SLC27A6: variants seen among roughly 807,000 people sequenced by gnomAD.
SLC27A6 encodes long-chain fatty acid transport protein 6.
A neutral mutation model predicts 63.9 loss-of-function variants in SLC27A6; 74 were observed. The ratio of observed to expected loss-of-function variants is 1.16; its 90% confidence interval spans 0.96 to 1.40. The LOEUF is 1.40. Ranked by LOEUF, SLC27A6 falls within the 40% of genes most tolerant of loss-of-function variation. SLC27A6 has a pLI of 0.00. For synonymous variants in SLC27A6, 287 were observed against 260.8 expected, an observed-to-expected ratio of 1.10 and a Z score of -0.97; for missense variants, 794 against 732.9, an observed-to-expected ratio of 1.08 and a Z score of -0.96.
At chr5:128,979,733 G>T (rs142817271) in intron 1 of SLC27A6, among the ~76,000 whole-genome samples, 2 of 152,028 alleles carry the variant, frequency 1.3e-5, no homozygotes, top group Non-Finnish European at 1.5e-5. Flanking sequence ...TATAAATTGT[G>T]TTATTATATT....
intron 4 of SLC27A6, among the ~76,000 whole-genome samples, chr5:129,006,109 C>T (rs1359097066): frequency 7.7e-5 from 4 of 52,036 alleles, no homozygotes; most frequent in Middle Eastern, 0.023. Flanking sequence ...GACGGAGTCT[C>T]GCTGTGTTGC....
chr5:129,010,979 G>A (rs1055845398), intron 4 of SLC27A6, among the ~76,000 whole-genome samples: 2 of 152,100 alleles, frequency 1.3e-5, no homozygotes, highest in Non-Finnish European at 2.9e-5. Flanking sequence ...AATTTGTATG[G>A]CAGCAATAGA....
At chr5:128,997,616 A>T (rs1288952597) in intron 4 of SLC27A6, among the ~76,000 whole-genome samples, 1 of 152,208 alleles carries the variant, frequency 6.6e-6, no homozygotes, top group African/African-American at 2.4e-5. Flanking sequence ...ATAGTTAATG[A>T]TTCACATTTC....
At chr5:129,028,464 T>A (rs758798365) in intron 8 of SLC27A6, 22 bp downstream of exon 8, 1 of 1,415,272 alleles carries the variant, frequency 7.1e-7, no homozygotes, top group South Asian at 1.2e-5. Flanking sequence ...TTTCAGATTT[T>A]GGAAAGATTC....
intron 5 of SLC27A6, among the ~76,000 whole-genome samples, chr5:129,019,793 A>G (rs191526678): frequency 9.9e-5 from 15 of 152,190 alleles, no homozygotes; most frequent in African/African-American, 3.4e-4. Context: ...CAATAAAAAG[A>G]GCAAGCAAAT....
chr5:129,019,511 C>T (rs1752009302), intron 5 of SLC27A6, among the ~76,000 whole-genome samples: 1 of 151,496 alleles, frequency 6.6e-6, no homozygotes, highest in Non-Finnish European at 1.5e-5. Flanking sequence ...TAGTAAGTTC[C>T]CCAAAACGAC....
At chr5:128,968,537 T>G (rs2150125268) in intron 1 of SLC27A6, among the ~76,000 whole-genome samples, 1 of 152,362 alleles carries the variant, frequency 6.6e-6, no homozygotes, top group African/African-American at 2.4e-5. Context: ...TTTTCATGTG[T>G]CTGTTGGCTA....
intron 1 of SLC27A6, among the ~76,000 whole-genome samples, chr5:128,980,107 T>C (rs1014540638): frequency 2.0e-5 from 3 of 152,210 alleles, no homozygotes; most frequent in Non-Finnish European, 4.4e-5. Flanking sequence ...TTCCAGGGTC[T>C]ATCATCTCCT....
At position 128,985,270 on chromosome 5, in the gene SLC27A6, C is replaced by G; in HGVS notation, c.619C>G (p.Arg207Gly). The change falls in exon 2 of 10, where the codon CGC becomes GGC. Residue 207 changes from arginine to glycine, a missense_variant. Coordinates refer to ENST00000262462, the MANE Select transcript of SLC27A6 (RefSeq NM_001017372.3). Reference sequence around the variant, plus strand: ...CACCTCACCTGATGAGCCCGTGCCACGCAGCCACCATGTTGTCTCACTCCT... The same window carrying G: ...CACCTCACCTGATGAGCCCGTGCCAGGCAGCCACCATGTTGTCTCACTCCT... Reference protein sequence around the residue: ...LSTSPDEPVPRSHHVVSLLKS... With the variant: ...LSTSPDEPVPGSHHVVSLLKS... 1 of 1,614,120 alleles carries G rather than the reference C, an allele frequency of 6.2e-7. No homozygotes were observed. The highest frequency in any genetic ancestry group is 8.5e-7 in the Non-Finnish European group (1 of 1,180,012).
chr5:129,015,522 T>A (rs1354401691), intron 4 of SLC27A6, among the ~76,000 whole-genome samples: 1 of 152,190 alleles, frequency 6.6e-6, no homozygotes, highest in Non-Finnish European at 1.5e-5. Flanking sequence ...TATAGCTAAT[T>A]ACTGCTAAGC....
At chr5:128,990,495 G>A (rs759289395) in intron 4 of SLC27A6, 31 bp downstream of exon 4, 1 of 1,583,650 alleles carries the variant, frequency 6.3e-7, no homozygotes, top group South Asian at 1.2e-5. Flanking sequence ...AAAAAAATAT[G>A]TCAGAAAGAA....
chr5:129,010,915 A>G (rs1396854062), intron 4 of SLC27A6, among the ~76,000 whole-genome samples: 1 of 152,210 alleles, frequency 6.6e-6, no homozygotes, highest in Non-Finnish European at 1.5e-5. Context: ...CTTTTGACCT[A>G]CGGACACTGT....
At chr5:129,014,422 C>A (rs1751824777) in intron 4 of SLC27A6, among the ~76,000 whole-genome samples, 1 of 152,100 alleles carries the variant, frequency 6.6e-6, no homozygotes, top group Non-Finnish European at 1.5e-5. Context: ...TCAACAGTTA[C>A]CAGGTAAGAC....
At chr5:129,001,518 A>G (rs185797056) in intron 4 of SLC27A6, among the ~76,000 whole-genome samples, 5 of 152,310 alleles carry the variant, frequency 3.3e-5, no homozygotes, top group Non-Finnish European at 7.3e-5. Context: ...GTTTTAGGAA[A>G]AAGAAGTCTT....
chr5:128,973,085 A>G (rs935340833), intron 1 of SLC27A6, among the ~76,000 whole-genome samples: 2 of 152,196 alleles, frequency 1.3e-5, no homozygotes, highest in Non-Finnish European at 2.9e-5. Flanking sequence ...TTGCCTGGGT[A>G]TCACCAGCGG....
At position 129,033,190 on chromosome 5, in the gene SLC27A6, C is replaced by A. The variant is rs140060838; in HGVS notation, c.1768C>A (p.Pro590Thr). 4.0e-5 allele frequency: 65 copies of A among 1,607,534 alleles called. No individual in the cohort carries two copies. The African/African-American group carries it at 8.2e-4, about 20-fold the overall frequency. The change falls in exon 10 of 10, where the codon CCA becomes ACA. Residue 590 changes from proline to threonine, a missense_variant. Physicochemically the swap from Pro to Thr is conservative, Grantham distance 38. Transcript: ENST00000262462. ...DGFNPLKISE[P>T]LYFMDNLKKS... The stretch of plus-strand genomic sequence containing the variant: ...ATTTAATCCACTGAAAATTTCTGAA[C>A]CACTTTACTTCATGGATAACTTGAA...
chr5:129,001,298 AT>A, intron 4 of SLC27A6, among the ~76,000 whole-genome samples: 1 of 151,968 alleles, frequency 6.6e-6, no homozygotes, highest in East Asian at 1.9e-4. Context: ...GTTTATGCCT[AT>A]TTTTCTGCCC....
chr5:128,992,109 GGA>G (rs1751003652), intron 4 of SLC27A6, among the ~76,000 whole-genome samples: 3 of 142,718 alleles, frequency 2.1e-5, no homozygotes, highest in African/African-American at 5.8e-5. Flanking sequence ...CAATAGAGTA[GGA>G]TATTGCCCTA....
At chr5:128,988,841 G>T in intron 3 of SLC27A6, 83 bp downstream of exon 3, 1 of 1,147,384 alleles carries the variant, frequency 8.7e-7, no homozygotes, top group South Asian at 1.6e-5. Flanking sequence ...AAGCTGTATC[G>T]GTAGAATTTA....
Sources: gnomAD v4.1 joint callset for allele counts (sites outside exome capture counted in the v4.1 genomes callset) on GRCh38, gnomAD v4.1.1 for gene constraint, MANE v1.5 for transcripts, NCBI Gene and HGNC (gene_info 2026-07-23, HGNC 2026-07-21) for gene names.